Variants in POM121C observed in about 807,000 individuals in gnomAD.
POM121C encodes nuclear envelope pore membrane protein POM 121C.
A neutral mutation model predicts 66.4 loss-of-function variants in POM121C; 20 were observed. That is an observed-to-expected ratio of 0.30 (90% CI 0.21 to 0.44). The LOEUF is 0.44. POM121C is among the 20% of genes least tolerant of loss of function. The pLI, the probability that POM121C is intolerant of heterozygous loss-of-function variation, is 1.00. For missense variants in POM121C, 580 were observed against 1,225.7 expected (o/e 0.47, Z 7.87); for synonymous variants, 286 against 528.0 (o/e 0.54, Z 6.28).
At chr7:75,460,692 C>T (rs1554476886) in intron 3 of POM121C, among the ~76,000 whole-genome samples, 2 of 152,112 alleles carry the variant, frequency 1.3e-5, no homozygotes, top group Non-Finnish European at 2.9e-5. Flanking sequence ...GGCTGCTGAT[C>T]TTCACGAGTG....
At chr7:75,447,906 C>T (rs1487083003) in intron 3 of POM121C, among the ~76,000 whole-genome samples, 6 of 152,030 alleles carry the variant, frequency 3.9e-5, no homozygotes, top group African/African-American at 1.4e-4. Flanking sequence ...CGCCTGTAGT[C>T]CCAGCTGCTC....
intron 8 of POM121C, 25 bp from the exon 9 acceptor site, chr7:75,425,733 A>G (rs782395593): frequency 4.4e-6 from 7 of 1,591,512 alleles, no homozygotes; most frequent in Non-Finnish European, 6.0e-6. Flanking sequence ...GGAACAATTT[A>G]GTCTAGAAAG....
intron 7 of POM121C, among the ~76,000 whole-genome samples, chr7:75,430,871 T>C (rs1163757176): frequency 1.8e-4 from 27 of 151,710 alleles, no homozygotes; most frequent in African/African-American, 6.5e-4. Context: ...GGTCAGGAGA[T>C]TGAGACCATC....
chr7:75,477,145 C>T (rs1402247480), intron 1 of POM121C, among the ~76,000 whole-genome samples: 4 of 88,818 alleles, frequency 4.5e-5, no homozygotes, highest in African/African-American at 7.3e-5. Flanking sequence ...TCTTATGCCT[C>T]AGTCTTCTCG....
At position 75,416,864 on chromosome 7, in the gene POM121C, G is replaced by GACTC. The variant is rs1789484072; in HGVS notation, c.*1928_*1931dup. ...ACATTCATACTAAAAATTCCAACTA[G>GACTC]ACTCAACAGGAATGAAGTCTCTATT... On this transcript the variant is annotated 3_prime_UTR_variant, in exon 15 of 15. Coordinates refer to ENST00000615331, the MANE Select transcript of POM121C (RefSeq NM_001099415.3). 2.1e-6 allele frequency: 3 copies of GACTC among 1,443,018 alleles called. No homozygotes were observed. The highest frequency in any genetic ancestry group is 2.5e-5 in the East Asian group (1 of 40,050). 89.4% of individuals were successfully genotyped at this position (1,443,018 alleles called of 1,614,324 possible).
intron 2 of POM121C, 90 bp from the exon 3 acceptor site, chr7:75,474,972 A>T: frequency 2.8e-6 from 4 of 1,414,908 alleles, no homozygotes; most frequent in Non-Finnish European, 4.0e-6. Flanking sequence ...AGTGCCCACA[A>T]GGAATTAAAT....
intron 13 of POM121C, 64 bp from the exon 14 acceptor site, chr7:75,419,506 C>A: frequency 2.5e-6 from 4 of 1,587,884 alleles, no homozygotes; most frequent in Non-Finnish European, 1.7e-6. Context: ...AGGAGCCGGG[C>A]AGGAGCCTGT....
intron 1 of POM121C, among the ~76,000 whole-genome samples, chr7:75,476,099 G>T (rs1792062994): frequency 1.3e-5 from 2 of 152,182 alleles, no homozygotes; most frequent in South Asian, 4.1e-4. Flanking sequence ...GGGCAACATA[G>T]TAAGAACCTT....
At chr7:75,485,467 A>C (rs1554480713) in intron 1 of POM121C, among the ~76,000 whole-genome samples, 2 of 152,172 alleles carry the variant, frequency 1.3e-5, no homozygotes, top group Non-Finnish European at 2.9e-5. Flanking sequence ...GAATCCCTGC[A>C]GACTGTTCCT....
At chr7:75,461,893 T>C (rs1791457794) in intron 3 of POM121C, among the ~76,000 whole-genome samples, 2 of 150,850 alleles carry the variant, frequency 1.3e-5, no homozygotes, top group East Asian at 3.9e-4. Flanking sequence ...CTGGAAAACA[T>C]ATTGAATTAT....
chr7:75,433,742 T>C (rs1790282148), intron 7 of POM121C, among the ~76,000 whole-genome samples: 1 of 152,242 alleles, frequency 6.6e-6, no homozygotes, highest in Non-Finnish European at 1.5e-5. Context: ...GAGATCATTC[T>C]CATGAGTACG....
intron 3 of POM121C, among the ~76,000 whole-genome samples, chr7:75,473,998 T>C (rs587662559): frequency 6.6e-6 from 1 of 152,150 alleles, no homozygotes; most frequent in Non-Finnish European, 1.5e-5. Context: ...AAGTCCAAGG[T>C]ATTTTTAAAG....
At chr7:75,485,573 C>T (rs1792498424) in intron 1 of POM121C, among the ~76,000 whole-genome samples, 1 of 152,116 alleles carries the variant, frequency 6.6e-6, no homozygotes, top group African/African-American at 2.4e-5. Context: ...TAGAGGCGGT[C>T]GAAATCTGGA....
At position 75,423,051 on chromosome 7, in the gene POM121C, G is replaced by A. The variant is rs370098002; in HGVS notation, c.1201C>T (p.Pro401Ser). 71 of 1,522,504 alleles carry A rather than the reference G, an allele frequency of 4.7e-5. No individual in the cohort carries two copies. The African/African-American group carries it at 9.2e-4, about 20-fold the overall frequency. 94.3% of individuals were successfully genotyped at this position (1,522,504 alleles called of 1,614,324 possible). The change falls in exon 13 of 15, where the codon CCT (proline) becomes TCT (serine). Residue 401 changes from proline (P) to serine (S), a missense_variant. By Grantham distance (74) the Pro-to-Ser change is moderately conservative. Coordinates refer to ENST00000615331, the MANE Select transcript of POM121C (RefSeq NM_001099415.3). ...GTGGCTGGTACCATGGATGGAGCAG[G>A]GATCAGCCCCAGCAAAGTGGTCGGG... ...KPPTTLLGLI[P>S]APSMVPATDT...
intron 3 of POM121C, among the ~76,000 whole-genome samples, chr7:75,466,733 T>C (rs1463577628): frequency 6.7e-6 from 1 of 150,152 alleles, no homozygotes; most frequent in Non-Finnish European, 1.5e-5. Context: ...AAGAAATCCC[T>C]AGCCAGACTA....
At chr7:75,434,863 C>T (rs1790344757) in intron 7 of POM121C, among the ~76,000 whole-genome samples, 1 of 152,116 alleles carries the variant, frequency 6.6e-6, no homozygotes, top group African/African-American at 2.4e-5. Flanking sequence ...GCGTGAGCCT[C>T]CATGCCCATC....
chr7:75,468,742 C>G (rs1439443862), intron 3 of POM121C, among the ~76,000 whole-genome samples: 1 of 152,152 alleles, frequency 6.6e-6, no homozygotes, highest in African/African-American at 2.4e-5. Context: ...ATGTGCAAAG[C>G]CAGGTGCAGT....
intron 3 of POM121C, among the ~76,000 whole-genome samples, chr7:75,458,099 CA>C (rs1791306842): frequency 6.6e-6 from 1 of 151,936 alleles, no homozygotes; most frequent in Admixed American, 6.6e-5. Context: ...TTTTTTTTCC[CA>C]AATGGGAAAC....
At chr7:75,474,671 C>G (rs1792008383) in intron 3 of POM121C, 33 bp downstream of exon 3, 14 of 1,169,626 alleles carry the variant, frequency 1.2e-5, no homozygotes, top group Non-Finnish European at 1.7e-5. Flanking sequence ...CTGGGATGAG[C>G]ATTTTTTAAC....
Sources: gnomAD v4.1 joint callset for allele counts (sites outside exome capture counted in the v4.1 genomes callset) on GRCh38, gnomAD v4.1.1 for gene constraint, MANE v1.5 for transcripts, NCBI Gene and HGNC (gene_info 2026-07-23, HGNC 2026-07-21) for gene names.